The following BCKDK variants were observed in gnomAD, a reference collection of about 807,000 sequenced individuals.
The protein encoded by BCKDK is branched chain keto acid dehydrogenase kinase, also known as branched-chain alpha-ketoacid dehydrogenase kinase.
BCKDK carries 28 observed loss-of-function variants against 43.9 expected under a neutral mutation model. That is an observed-to-expected ratio of 0.64 (90% CI 0.47 to 0.87). BCKDK has a LOEUF of 0.87. Ranked by LOEUF, BCKDK falls within the 40% of genes least tolerant of loss-of-function variation. The probability of loss-of-function intolerance (pLI) is 0.00; values close to 1 mark genes in which losing one functional copy is unlikely to be tolerated. For synonymous variants in BCKDK, 257 were observed against 234.3 expected, an observed-to-expected ratio of 1.10 and a Z score of -0.88; for missense variants, 483 against 581.4, an observed-to-expected ratio of 0.83 and a Z score of 1.74.
rs1002056919 is a variant in BCKDK, at chr16:31,109,863, C to G, written c.375+80C>G. 2 of 1,485,656 alleles carry G rather than the reference C, an allele frequency of 1.3e-6. No homozygotes were observed. The highest frequency in any genetic ancestry group is 2.8e-5 in the African/African-American group (2 of 72,262). The allele number at this position is 1,485,656 out of a possible 1,614,324, so 92.0% of individuals were successfully genotyped here. ...GGAGTCTGGGGCCCAGAGTGGCAGA[C>G]GATTGCTTGCCTAAAGGTGTCAGGG... On this transcript the variant is annotated intron_variant, in intron 4 of 11. Coordinates refer to ENST00000219794, the MANE Select transcript of BCKDK (RefSeq NM_005881.4). This position sits in a 1 kb window ranked among gnomAD's most constrained non-coding sequence, Gnocchi z 5.3.
chr16:31,111,926 C>T lies in BCKDK; in HGVS notation c.993C>T (p.Tyr331=). The T allele has an allele frequency of 6.2e-7, 1 of 1,614,180 alleles. No individual in the cohort carries two copies. The highest frequency in any genetic ancestry group is 8.5e-7 in the Non-Finnish European group (1 of 1,180,026). ...AAGATCTGGACCGGGTCATGGACTA[C>T]CACTTCACTACTGCTGAGGCCAGCA... ...AHKDLDRVMD[Y]HFTTAEASTQ... is the part of the protein sequence containing the mutation. Residue 331 remains tyrosine (Y), a synonymous_variant, in exon 11 of 12, where the codon TAC becomes TAT. Coordinates refer to ENST00000219794, the MANE Select transcript of BCKDK (RefSeq NM_005881.4).
chr16:31,111,239 TG>T lies in BCKDK; in HGVS notation c.845+22del, dbSNP rs2057409970. 1.2e-6 allele frequency: 2 copies of T among 1,614,064 alleles called. No individual in the cohort carries two copies. The highest frequency in any genetic ancestry group is 1.7e-5 in the Admixed American group (1 of 59,996). On this transcript the variant is annotated intron_variant, in intron 9 of 11. Transcript: ENST00000219794. The stretch of plus-strand genomic sequence containing the variant: ...CATGAGGTGGGGTGGCTTGATGTGC[TG>T]GCTTGGGGGCGGACAGGAACCGGGG...
At chr16:31,115,486 G>C (rs2057440109), downstream of BCKDK, among the ~76,000 whole-genome samples, 2 of 152,196 alleles carry the variant, frequency 1.3e-5, no homozygotes, top group South Asian at 4.1e-4. Context: ...GCCTCCCAAA[G>C]TGGTGGGATT....
chr16:31,110,746 G>A lies in BCKDK; in HGVS notation c.701G>A (p.Trp234Ter), dbSNP rs1168589066. ...RLSPKKIIEK[W>*]VDFARRLCEH... The stretch of plus-strand genomic sequence containing the variant: ...TCACCAAAGAAGATTATTGAGAAGT[G>A]GGTGGACTTTGCCAGGTGAGGCAAG... The change falls in exon 8 of 12, where the codon TGG becomes TAG. Residue 234 changes from tryptophan to a stop codon, truncating the protein, a stop_gained. Coordinates refer to ENST00000219794, the MANE Select transcript of BCKDK (RefSeq NM_005881.4). LOFTEE classifies it high-confidence loss of function. The surrounding 1 kb of genome is among the most constrained non-coding windows in gnomAD (Gnocchi z 5.4). 1.9e-6 allele frequency: 3 copies of A among 1,614,164 alleles called. No homozygotes were observed. Among genetic ancestry groups the A allele is most frequent in the Non-Finnish European group, 2.5e-6 (3 of 1,180,014 alleles).
downstream of BCKDK, among the ~76,000 whole-genome samples, chr16:31,113,240 C>T (rs553187946): frequency 2.9e-4 from 44 of 152,362 alleles, no homozygotes; most frequent in Admixed American, 1.8e-3. Flanking sequence ...CACATGTGAG[C>T]TCCCACAGCA....
chr16:31,113,454 T>C (rs1220912539), downstream of BCKDK, among the ~76,000 whole-genome samples: 3 of 152,172 alleles, frequency 2.0e-5, no homozygotes, highest in Non-Finnish European at 4.4e-5. Flanking sequence ...ACATGGGATT[T>C]ATCTTGAGCC....
downstream of BCKDK, among the ~76,000 whole-genome samples, chr16:31,113,271 A>G (rs1450105152): frequency 1.3e-5 from 2 of 152,216 alleles, no homozygotes; most frequent in Non-Finnish European, 2.9e-5. Flanking sequence ...GGCTGGCTCT[A>G]GGCCTGTACC....
chr16:31,112,088 A>C lies in BCKDK; in HGVS notation c.1095-33A>C. 6.2e-7 allele frequency: 1 copy of C among 1,609,528 alleles called. No homozygotes were observed. Among genetic ancestry groups the C allele is most frequent in the Non-Finnish European group, 8.5e-7 (1 of 1,177,526 alleles). ...GACCCCAGGAGACTCAAGCCTCTGA[A>C]GCCTCCTGTCCTGTCCCCCTGCCCA... On this transcript the variant is annotated intron_variant, in intron 11 of 11. Coordinates refer to ENST00000219794, the MANE Select transcript of BCKDK (RefSeq NM_005881.4). This position sits in a 1 kb window ranked among gnomAD's most constrained non-coding sequence, Gnocchi z 5.0.
downstream of BCKDK, among the ~76,000 whole-genome samples, chr16:31,115,129 G>A (rs756746207): frequency 1.8e-4 from 28 of 151,634 alleles, no homozygotes; most frequent in Non-Finnish European, 4.0e-4. Flanking sequence ...CACAATGTGG[G>A]CCAAGCTGGT....
downstream of BCKDK, among the ~76,000 whole-genome samples, chr16:31,116,638 T>C (rs1171732568): frequency 2.0e-5 from 3 of 148,882 alleles, no homozygotes; most frequent in East Asian, 2.1e-4. Flanking sequence ...GGGCACTGGC[T>C]GGGCACGGTG....
At chr16:31,116,472 C>T (rs1341218273), downstream of BCKDK, among the ~76,000 whole-genome samples, 1 of 150,986 alleles carries the variant, frequency 6.6e-6, no homozygotes, top group Non-Finnish European at 1.5e-5. Flanking sequence ...GCTGAGATTA[C>T]AGGCGTGAGC....
downstream of BCKDK, among the ~76,000 whole-genome samples, chr16:31,114,415 G>C (rs1339965521): frequency 6.6e-6 from 1 of 151,202 alleles, no homozygotes; most frequent in African/African-American, 2.4e-5. Context: ...GTTTCACCAC[G>C]TTGGCCAGGC....
downstream of BCKDK, among the ~76,000 whole-genome samples, chr16:31,114,921 CTCTTT>C (rs1279758094): frequency 1.3e-5 from 2 of 152,058 alleles, no homozygotes; most frequent in African/African-American, 4.8e-5. Flanking sequence ...CCCTTCCTCC[CTCTTT>C]TTTCTTTTTC....
In BCKDK at chr16:31,110,503, G is replaced by C. The variant is rs1008477370; in HGVS notation, c.642+4G>C. ...CCTGGCGCTGCATGAGGACAAGGTG[G>C]GGCTCTGGGACCTGAGACCCACCTG... On this transcript the variant is annotated splice_donor_region_variant and intron_variant, in intron 7 of 11. Transcript: ENST00000219794. This position sits in a 1 kb window ranked among gnomAD's most constrained non-coding sequence, Gnocchi z 5.4. 1.2e-6 allele frequency: 2 copies of C among 1,613,704 alleles called. No homozygotes were observed. The highest frequency in any genetic ancestry group is 1.3e-5 in the African/African-American group (1 of 75,026).
At position 31,109,313 on chromosome 16, in the gene BCKDK, C is replaced by T. The variant is rs1375069754; in HGVS notation, c.90C>T (p.Arg30=). ...GACCCGCACTCGCGCTCCGGGCCCGCTCGACGTCGGCCACCGACACACACC... is the reference window on the plus strand; with the variant it reads ...GACCCGCACTCGCGCTCCGGGCCCGTTCGACGTCGGCCACCGACACACACC... ...LLGPALALRA[R]STSATDTHHV... Residue 30 remains arginine (R), a synonymous_variant, in exon 2 of 12, where the codon CGC becomes CGT. Coordinates refer to ENST00000219794, the MANE Select transcript of BCKDK (RefSeq NM_005881.4). The surrounding 1 kb of genome is among the most constrained non-coding windows in gnomAD (Gnocchi z 5.3). 1.2e-6 allele frequency: 2 copies of T among 1,608,244 alleles called. No individual in the cohort carries two copies. Among genetic ancestry groups the T allele is most frequent in the Non-Finnish European group, 1.7e-6 (2 of 1,177,420 alleles).
In BCKDK at chr16:31,111,305, C is replaced by A; in HGVS notation, c.851C>A (p.Thr284Lys). Residue 284 changes from threonine to lysine, a missense_variant, in exon 10 of 12, where the codon ACA becomes AAA. Thr to Lys is a moderately conservative substitution (Grantham distance 78, BLOSUM62 -1). Transcript: ENST00000219794. ...GGTCTTTCCCCTCTGCATAGAGCCACAATGGAGAGTCACCTAGACACTCCC... is the reference window on the plus strand; with the variant it reads ...GGTCTTTCCCCTCTGCATAGAGCCAAAATGGAGAGTCACCTAGACACTCCC... Reference protein sequence around the residue: ...PELLKNAMRATMESHLDTPYN... With the variant: ...PELLKNAMRAKMESHLDTPYN... 4.3e-6 allele frequency: 7 copies of A among 1,614,150 alleles called. No homozygotes were observed. The highest frequency in any genetic ancestry group is 5.9e-6 in the Non-Finnish European group (7 of 1,180,026).
chr16:31,112,571 C>T lies in BCKDK; in HGVS notation c.*306C>T, dbSNP rs1596812255. 9 of 493,590 alleles carry T rather than the reference C, an allele frequency of 1.8e-5. No individual in the cohort carries two copies. Among genetic ancestry groups the T allele is most frequent in the South Asian group, 1.2e-4 (6 of 49,560 alleles). 30.6% of individuals were successfully genotyped at this position (493,590 alleles called of 1,614,324 possible). On this transcript the variant is annotated 3_prime_UTR_variant, in exon 12 of 12. Transcript: ENST00000219794. This position sits in a 1 kb window ranked among gnomAD's most constrained non-coding sequence, Gnocchi z 5.0. The stretch of plus-strand genomic sequence containing the variant: ...AAAGTTCACATTTTGAATGCCCTCT[C>T]GGGCCCCGTGTGTGGGGAGGGCAGG...
downstream of BCKDK, among the ~76,000 whole-genome samples, chr16:31,117,011 T>C (rs892992183): frequency 6.6e-6 from 1 of 151,440 alleles, no homozygotes; most frequent in African/African-American, 2.4e-5. Context: ...CTCTGCCCTG[T>C]TAAAGTGGGG....
chr16:31,115,000 C>A (rs2884738), downstream of BCKDK, among the ~76,000 whole-genome samples: 50,719 of 151,814 alleles, frequency 0.33, 9,011 homozygotes, highest in South Asian at 0.68. Context: ...TCTCGGCTCA[C>A]TGCAACCTCC....
Sources: gnomAD v4.1 joint callset for allele counts (sites outside exome capture counted in the v4.1 genomes callset) on GRCh38, gnomAD v4.1.1 for gene constraint, Gnocchi (gnomAD v3.1) non-coding constraint, MANE v1.5 for transcripts, NCBI Gene and HGNC (gene_info 2026-07-23, HGNC 2026-07-21) for gene names.